PIK3CD: variants seen among roughly 807,000 people sequenced by gnomAD.
PIK3CD encodes the protein phosphatidylinositol 4,5-bisphosphate 3-kinase catalytic subunit delta isoform.
PIK3CD carries 20 observed loss-of-function variants against 122.9 expected under a neutral mutation model. The ratio of observed to expected loss-of-function variants is 0.16; its 90% CI spans 0.11 to 0.24. The LOEUF (loss-of-function observed/expected upper bound fraction) is 0.24, where lower values mean the gene tolerates loss of function less well. Among genes scored for constraint, PIK3CD ranks in the 10% least tolerant of loss-of-function variants. The probability of loss-of-function intolerance (pLI) is 1.00; values close to 1 mark genes in which losing one functional copy is unlikely to be tolerated. For synonymous variants in PIK3CD, 596 were observed against 593.4 expected, an observed-to-expected ratio of 1.00 and a Z score of -0.06; for missense variants, 787 against 1,406.3, an observed-to-expected ratio of 0.56 and a Z score of 7.04.
chr1:9,712,852 A>T (rs1647111480), intron 3 of PIK3CD, among the ~76,000 whole-genome samples: 1 of 151,788 alleles, frequency 6.6e-6, no homozygotes, highest in African/African-American at 2.4e-5. Flanking sequence ...CCTGGGTAAC[A>T]TGACAAAACC....
chr1:9,674,000 G>A (rs1044921428), intron 1 of PIK3CD, among the ~76,000 whole-genome samples: 6 of 152,208 alleles, frequency 3.9e-5, no homozygotes, highest in Admixed American at 3.3e-4. Context: ...ATGGCACCCC[G>A]GGGGTGGTCA....
chr1:9,727,531 A>T lies in PIK3CD; in HGVS notation c.*485A>T, dbSNP rs1015409415. The T allele has an allele frequency of 8.0e-6, 2 of 250,656 alleles. No individual in the cohort carries two copies. Among genetic ancestry groups the T allele is most frequent in the African/African-American group, 2.2e-5 (1 of 44,796 alleles). 15.5% of individuals were successfully genotyped at this position (250,656 alleles called of 1,614,324 possible). On this transcript the variant is annotated 3_prime_UTR_variant, in exon 24 of 24. Transcript: ENST00000377346. The stretch of plus-strand genomic sequence containing the variant: ...CCGAGGCAGCCGGGGTACCCTCTAG[A>T]TTCAGGGATGCTTGCTCTCCACTTT...
intron 6 of PIK3CD, 24 bp from the exon 7 acceptor site, chr1:9,716,935 C>T (rs758647422): frequency 9.9e-6 from 16 of 1,613,420 alleles, no homozygotes; most frequent in East Asian, 4.5e-5. Context: ...CCCCACCAGC[C>T]GCTCACCCTG....
intron 2 of PIK3CD, among the ~76,000 whole-genome samples, chr1:9,699,534 T>G (rs1646546289): frequency 6.6e-6 from 1 of 151,758 alleles, no homozygotes; most frequent in Non-Finnish European, 1.5e-5. Context: ...TCTCTCCCAG[T>G]CACCCTCTCC....
chr1:9,697,714 CAA>C (rs1646474672), intron 2 of PIK3CD, among the ~76,000 whole-genome samples: 1 of 150,942 alleles, frequency 6.6e-6, no homozygotes, highest in Non-Finnish European at 1.5e-5. Context: ...GCACGGGCAA[CAA>C]AGTGAGACCC....
chr1:9,685,772 G>A (rs890518522), intron 1 of PIK3CD, among the ~76,000 whole-genome samples: 1 of 147,432 alleles, frequency 6.8e-6, no homozygotes, highest in Non-Finnish European at 1.5e-5. Flanking sequence ...AAACTCAAGC[G>A]ATCCTCCTGC....
At chr1:9,673,131 C>G (rs1645385474) in intron 1 of PIK3CD, among the ~76,000 whole-genome samples, 1 of 149,938 alleles carries the variant, frequency 6.7e-6, no homozygotes. Context: ...CAGGGTCTCG[C>G]TCTGTCACCT....
rs78581487 is a variant in PIK3CD at position 9,699,424 on chromosome 1, C to T, written c.-33+7853C>T. Among the ~76,000 whole-genome samples, 900 of 152,214 alleles carry T rather than the reference C, an allele frequency of 5.9e-3. 3 individuals carry two copies. Among genetic ancestry groups the T allele is most frequent in the African/African-American group, 0.02 (820 of 41,524 alleles). On this transcript the variant is annotated intron_variant, in intron 2 of 23. Transcript: ENST00000377346. ...CATCTTTATAAAGCATAAAATCAGG[C>T]CGCCTCAGTCCTCTGCTTAAAACCC... is the stretch of plus-strand genomic sequence containing the variant.
At chr1:9,644,297 C>T in the PIK3CD span, among the ~76,000 whole-genome samples, 1 of 151,990 alleles carries the variant, frequency 6.6e-6, no homozygotes, top group South Asian at 2.1e-4. Flanking sequence ...GGAGGATCAC[C>T]TGAGGTCAGG....
At chr1:9,688,991 C>T (rs895542487) in intron 1 of PIK3CD, among the ~76,000 whole-genome samples, 2 of 152,172 alleles carry the variant, frequency 1.3e-5, no homozygotes, top group Non-Finnish European at 1.5e-5. Flanking sequence ...AAGGGAACCC[C>T]CGATGGAAAG....
At chr1:9,713,442 A>T (rs186524580) in intron 3 of PIK3CD, among the ~76,000 whole-genome samples, 1 of 152,302 alleles carries the variant, frequency 6.6e-6, no homozygotes, top group Admixed American at 6.5e-5. Context: ...CCATATGAGA[A>T]AACCACAGTG....
rs1469074668 is a variant in PIK3CD at position 9,718,317 on chromosome 1, A to G, written c.1021-377A>G. Among the ~76,000 whole-genome samples, 1 of 152,062 alleles carries G rather than the reference A, an allele frequency of 6.6e-6. No individual in the cohort carries two copies. Among genetic ancestry groups the G allele is most frequent in the African/African-American group, 2.4e-5 (1 of 41,398 alleles). Reference sequence around the variant, plus strand: ...AGGGGCCGGACATCAGGTGGCAGGAAAAGTCCTTCCCCACCCACATGGGCT... The same window carrying G: ...AGGGGCCGGACATCAGGTGGCAGGAGAAGTCCTTCCCCACCCACATGGGCT... On this transcript the variant is annotated intron_variant, in intron 8 of 23. Coordinates refer to ENST00000377346, the MANE Select transcript of PIK3CD (RefSeq NM_005026.5). This position sits in a 1 kb window ranked among gnomAD's most constrained non-coding sequence, Gnocchi z 7.2.
intron 1 of PIK3CD, among the ~76,000 whole-genome samples, chr1:9,676,511 G>C (rs994874817): frequency 6.6e-6 from 1 of 152,228 alleles, no homozygotes; most frequent in Non-Finnish European, 1.5e-5. Context: ...CCCAATGCCA[G>C]GGGCAAGCAA....
chr1:9,660,576 A>G (rs1644982498), intron 1 of PIK3CD, among the ~76,000 whole-genome samples: 1 of 152,270 alleles, frequency 6.6e-6, no homozygotes, highest in Non-Finnish European at 1.5e-5. Flanking sequence ...AGCAAGAATT[A>G]TAGTCATACC....
At chr1:9,635,943 A>C in the PIK3CD span, among the ~76,000 whole-genome samples, 1 of 152,216 alleles carries the variant, frequency 6.6e-6, no homozygotes, top group Admixed American at 6.5e-5. Flanking sequence ...TTGCCCATCC[A>C]AGGTCCTGGT....
At chr1:9,633,070 C>T in the PIK3CD span, among the ~76,000 whole-genome samples, 1 of 152,028 alleles carries the variant, frequency 6.6e-6, no homozygotes, top group African/African-American at 2.4e-5. Flanking sequence ...ACCATGTTAG[C>T]CAGGATGGTC....
Position 9,717,656 on chromosome 1 carries a change from A to G in PIK3CD, c.1020+30A>G, listed in dbSNP as rs1647735041. 1.2e-6 allele frequency: 2 copies of G among 1,604,498 alleles called. No homozygotes were observed. The highest frequency in any genetic ancestry group is 8.5e-7 in the Non-Finnish European group (1 of 1,171,684). On this transcript the variant is annotated intron_variant, in intron 8 of 23. Coordinates refer to ENST00000377346, the MANE Select transcript of PIK3CD (RefSeq NM_005026.5). This position sits in a 1 kb window ranked among gnomAD's most constrained non-coding sequence, Gnocchi z 5.4. ...GGCTCCTGGGATAGGTGGGAGAGAC[A>G]CTGTTTTTTTGCACAAACAAGGTGG...
chr1:9,628,811 G>C, the PIK3CD span, among the ~76,000 whole-genome samples: 1 of 152,190 alleles, frequency 6.6e-6, no homozygotes, highest in African/African-American at 2.4e-5. Context: ...GGAGGAGTGG[G>C]TGGTGAAGGA....
At position 9,689,718 on chromosome 1, in the gene PIK3CD, C is replaced by G. The variant is rs1029330157; in HGVS notation, c.-137-1749C>G. Among the ~76,000 whole-genome samples the G allele has an allele frequency of 2.3e-4, 35 of 151,670 alleles. No homozygotes were observed. Among genetic ancestry groups the G allele is most frequent in the Admixed American group, 1.7e-3 (26 of 15,254 alleles). ...TCGGGCCCCGCCCCCGGCAGCGACA[C>G]CCGGTACGGAGCCCACCTGTGCGGG... On this transcript the variant is annotated intron_variant, in intron 1 of 23. Transcript: ENST00000377346. This position sits in a 1 kb window ranked among gnomAD's most constrained non-coding sequence, Gnocchi z 6.1.
Sources: allele counts gnomAD v4.1 joint callset (sites outside exome capture counted in the v4.1 genomes callset), GRCh38; gene constraint gnomAD v4.1.1; non-coding constraint Gnocchi (gnomAD v3.1); transcripts MANE v1.5; gene names NCBI Gene and HGNC (gene_info 2026-07-23, HGNC 2026-07-21).